Variants in ATP6V1C1 observed in about 807,000 individuals in gnomAD.
The protein encoded by ATP6V1C1 is V-type proton ATPase subunit C 1.
In ATP6V1C1, 45 loss-of-function variants were observed where a neutral mutation model predicts 53.9. That is an observed-to-expected ratio of 0.83 (90% CI 0.66 to 1.07). ATP6V1C1 has a LOEUF of 1.07. Ranked by LOEUF, ATP6V1C1 falls within the 50% of genes least tolerant of loss-of-function variation. ATP6V1C1 has a pLI of 0.00. For synonymous variants in ATP6V1C1, 153 were observed against 155.2 expected, an observed-to-expected ratio of 0.99 and a Z score of 0.11; for missense variants, 315 against 440.3, an observed-to-expected ratio of 0.72 and a Z score of 2.55.
rs1299941418 is a variant in ATP6V1C1, at chr8:103,069,713, T to A, written c.*966T>A. ...AATCTCAGAAATGAATGACTTAATT[T>A]AGTGTCCTGAAAGAGCTTTTAAAAG... On this transcript the variant is annotated 3_prime_UTR_variant, in exon 13 of 13. Coordinates refer to ENST00000518738, the MANE Select transcript of ATP6V1C1 (RefSeq NM_001695.5). 2 of 152,190 alleles carry A rather than the reference T, an allele frequency of 1.3e-5. No individual in the cohort carries two copies. The highest frequency in any genetic ancestry group is 2.9e-5 in the Non-Finnish European group (2 of 68,036). 9.4% of individuals were successfully genotyped at this position (152,190 alleles called of 1,614,324 possible).
intron 8 of ATP6V1C1, among the ~76,000 whole-genome samples, chr8:103,060,764 A>G (rs1817382660): frequency 6.6e-6 from 1 of 152,206 alleles, no homozygotes. Flanking sequence ...TTTAGTTATA[A>G]GATAAGATGG....
intron 10 of ATP6V1C1, chr8:103,064,498 G>T: frequency 2.7e-6 from 1 of 371,744 alleles, no homozygotes; most frequent in Non-Finnish European, 4.8e-6. Context: ...ATGCATTTTA[G>T]TGTCTGTTGA....
chr8:103,068,616 A>T, intron 12 of ATP6V1C1, 36 bp from the exon 13 acceptor site: 1 of 1,490,250 alleles, frequency 6.7e-7, no homozygotes, highest in Non-Finnish European at 9.1e-7. Context: ...GAGTTCTGTA[A>T]ATACAAAATT....
intron 3 of ATP6V1C1, among the ~76,000 whole-genome samples, chr8:103,046,044 G>A (rs1383137700): frequency 6.6e-6 from 1 of 151,872 alleles, no homozygotes; most frequent in Non-Finnish European, 1.5e-5. Flanking sequence ...ACAGTTACAA[G>A]TTATGACAAC....
chr8:103,033,694 A>G (rs1301770425), intron 1 of ATP6V1C1, among the ~76,000 whole-genome samples: 2 of 152,220 alleles, frequency 1.3e-5, no homozygotes, highest in Non-Finnish European at 2.9e-5. Context: ...ATAATGAGAC[A>G]CATACTACAT....
intron 8 of ATP6V1C1, among the ~76,000 whole-genome samples, chr8:103,059,435 A>G (rs1264300869): frequency 1.3e-5 from 2 of 152,076 alleles, no homozygotes; most frequent in Non-Finnish European, 2.9e-5. Context: ...CCTGTAGTAT[A>G]TGGCAGCAAC....
intron 1 of ATP6V1C1, among the ~76,000 whole-genome samples, chr8:103,027,355 T>C (rs781631848): frequency 6.6e-6 from 1 of 152,198 alleles, no homozygotes; most frequent in Non-Finnish European, 1.5e-5. Flanking sequence ...CTTGAAAGCA[T>C]TGAAATCAGT....
Position 103,052,825 on chromosome 8 carries a change from A to G in ATP6V1C1, c.473+3A>G. On this transcript the variant is annotated splice_donor_region_variant and intron_variant, in intron 6 of 12. Transcript: ENST00000518738. ...CAGAATTTGGAACGAAAGAATGCGT[A>G]AGCAGATCAAGTATATTTGAGTACT... The G allele has an allele frequency of 2.6e-6, 4 of 1,561,372 alleles. No individual in the cohort carries two copies. The highest frequency in any genetic ancestry group is 3.5e-6 in the Non-Finnish European group (4 of 1,149,888).
intron 1 of ATP6V1C1, among the ~76,000 whole-genome samples, chr8:103,036,353 T>G (rs1816899266): frequency 6.6e-6 from 1 of 152,138 alleles, no homozygotes; most frequent in Non-Finnish European, 1.5e-5. Context: ...CTTCCTTTCC[T>G]CCTCATCTTC....
intron 1 of ATP6V1C1, among the ~76,000 whole-genome samples, chr8:103,024,167 T>G (rs1429735750): frequency 6.6e-6 from 1 of 152,240 alleles, no homozygotes; most frequent in African/African-American, 2.4e-5. Flanking sequence ...TCAGAAGTCC[T>G]GGATCTTTTT....
Position 103,071,904 on chromosome 8 carries a change from A to T in ATP6V1C1, c.*3157A>T, listed in dbSNP as rs1299824675. The T allele has an allele frequency of 6.6e-6, 1 of 152,410 alleles. No homozygotes were observed. The allele number at this position is 152,410 out of a possible 1,614,324, so 9.4% of individuals were successfully genotyped here. On this transcript the variant is annotated 3_prime_UTR_variant, in exon 13 of 13. Coordinates refer to ENST00000518738, the MANE Select transcript of ATP6V1C1 (RefSeq NM_001695.5). ...AGTGCTGGTGTTACAGGCATAAGCC[A>T]CCACGCCTGGCCTGTGTTGCTATTA... is the stretch of plus-strand genomic sequence containing the variant.
At chr8:103,029,615 GTGTAATTATTT>G (rs531708893) in intron 1 of ATP6V1C1, among the ~76,000 whole-genome samples, 116 of 152,150 alleles carry the variant, frequency 7.6e-4, no homozygotes, top group African/African-American at 2.6e-3. Flanking sequence ...CCCATGTGAT[GTGTAATTATTT>G]TAGATTATTT....
intron 1 of ATP6V1C1, among the ~76,000 whole-genome samples, chr8:103,029,267 TTC>T (rs965866747): frequency 7.1e-6 from 1 of 140,196 alleles, no homozygotes; most frequent in East Asian, 2.0e-4. Flanking sequence ...CTTCCTTCTT[TTC>T]TCTCTCTCTC....
rs535447896 is a variant in ATP6V1C1, at chr8:103,049,872, G to A, written c.286+917G>A. ...GTCAGGAGGCTGAGGAGGGGGGATT[G>A]CTTGAGCCCAGGAGTTCAAGGCTGC... On this transcript the variant is annotated intron_variant, in intron 4 of 12. Transcript: ENST00000518738. Among the ~76,000 whole-genome samples, 723 of 152,178 alleles carry A rather than the reference G, an allele frequency of 4.8e-3. 3 individuals carry two copies. The highest frequency in any genetic ancestry group is 8.4e-3 in the Non-Finnish European group (568 of 67,990).
At chr8:103,058,011 T>A (rs1183912955) in intron 8 of ATP6V1C1, among the ~76,000 whole-genome samples, 1 of 151,908 alleles carries the variant, frequency 6.6e-6, no homozygotes, top group Admixed American at 6.6e-5. Context: ...AGGAGGAGAG[T>A]GAGGACGTGG....
chr8:103,031,165 A>C (rs1367487104), intron 1 of ATP6V1C1, among the ~76,000 whole-genome samples: 1 of 152,230 alleles, frequency 6.6e-6, no homozygotes, highest in Non-Finnish European at 1.5e-5. Context: ...GAGGAAAGAA[A>C]TGGAAGATAT....
chr8:103,047,431 CACACACA>C (rs1817121905), intron 3 of ATP6V1C1, among the ~76,000 whole-genome samples: 3 of 92,684 alleles, frequency 3.2e-5, no homozygotes, highest in African/African-American at 1.3e-4. Context: ...AATGCGCGCG[CACACACA>C]CACACACACA....
intron 4 of ATP6V1C1, 110 bp downstream of exon 4, chr8:103,049,065 A>G: frequency 1.1e-6 from 1 of 915,730 alleles, no homozygotes; most frequent in Non-Finnish European, 1.6e-6. Flanking sequence ...ACTAAATACA[A>G]TAGAAAGCCA....
At chr8:103,055,812 T>C in intron 7 of ATP6V1C1, 56 bp from the exon 8 acceptor site, 1 of 1,492,546 alleles carries the variant, frequency 6.7e-7, no homozygotes, top group Non-Finnish European at 9.3e-7. Flanking sequence ...TTCCTGGATA[T>C]GGCAGGAAAT....
Sources: gnomAD v4.1 joint callset for allele counts (sites outside exome capture counted in the v4.1 genomes callset) on GRCh38, gnomAD v4.1.1 for gene constraint, MANE v1.5 for transcripts, NCBI Gene and HGNC (gene_info 2026-07-23, HGNC 2026-07-21) for gene names.